The following SH3PXD2B variants were observed in gnomAD, a reference collection of about 807,000 sequenced individuals.
SH3PXD2B encodes the protein SH3 and PX domain-containing protein 2B.
Under a neutral mutation model 73.1 loss-of-function variants are expected in SH3PXD2B, and 37 were observed. The ratio of observed to expected loss-of-function variants is 0.51; its 90% CI spans 0.39 to 0.67. SH3PXD2B has a LOEUF of 0.67. SH3PXD2B is among the 30% of genes least tolerant of loss of function. The pLI is 0.00. For synonymous variants in SH3PXD2B, 457 were observed against 480.5 expected, an observed-to-expected ratio of 0.95 and a Z score of 0.64; for missense variants, 1,053 against 1,197.8, an observed-to-expected ratio of 0.88 and a Z score of 1.78.
intron 10 of SH3PXD2B, among the ~76,000 whole-genome samples, chr5:172,347,694 G>A (rs769420757): frequency 4.6e-5 from 7 of 152,112 alleles, no homozygotes; most frequent in Non-Finnish European, 8.8e-5. Flanking sequence ...TTGGACAGAT[G>A]ATTGGATTCT....
At chr5:172,436,352 C>G (rs1159546538) in intron 1 of SH3PXD2B, among the ~76,000 whole-genome samples, 1 of 152,222 alleles carries the variant, frequency 6.6e-6, no homozygotes, top group African/African-American at 2.4e-5. Context: ...AACCCAGCAG[C>G]CTGCAGCCAA....
Position 172,382,115 on chromosome 5 carries a change from GC to G in SH3PXD2B, c.321del (p.Gln107HisfsTer23). 1.2e-6 allele frequency: 2 copies of G among 1,607,784 alleles called. No individual in the cohort carries two copies. The highest frequency in any genetic ancestry group is 1.7e-6 in the Non-Finnish European group (2 of 1,177,400). On this transcript the variant is annotated frameshift_variant, in exon 5 of 13. Coordinates refer to ENST00000311601, the MANE Select transcript of SH3PXD2B (RefSeq NM_001017995.3). LOFTEE classifies it high-confidence loss of function. The stretch of plus-strand genomic sequence containing the variant: ...TCACACTGAGAGATGTAGGGGGGCA[GC>G]TGGATGAGGGCCTGGAGAAGAGAGA... ...PIDEYCKALIQLPPYISQCDE... is the reference protein window; with the variant it reads ...PIDEYCKALIXLPPYISQCDE...
At chr5:172,442,998 C>A (rs1052041503) in intron 1 of SH3PXD2B, among the ~76,000 whole-genome samples, 2 of 152,118 alleles carry the variant, frequency 1.3e-5, no homozygotes, top group African/African-American at 4.8e-5. Flanking sequence ...CTGAGGAAAC[C>A]CACGGACCCC....
intron 4 of SH3PXD2B, 119 bp from the exon 5 acceptor site, chr5:172,382,246 G>A (rs1757965698): frequency 1.3e-6 from 1 of 792,564 alleles, no homozygotes; most frequent in Non-Finnish European, 2.0e-6. Context: ...AACCTGGGAG[G>A]CGGAGGTTGC....
chr5:172,346,052 A>G, intron 12 of SH3PXD2B, 84 bp downstream of exon 12: 1 of 1,591,762 alleles, frequency 6.3e-7, no homozygotes, highest in Non-Finnish European at 8.6e-7. Flanking sequence ...CACCCAGTGA[A>G]GTAGGAGGTG....
chr5:172,350,719 A>G, intron 9 of SH3PXD2B, 130 bp from the exon 10 acceptor site: 1 of 844,998 alleles, frequency 1.2e-6, no homozygotes, highest in East Asian at 2.6e-5. Flanking sequence ...CCAGGGCAAG[A>G]GGTTGGCACA....
Position 172,338,427 on chromosome 5 carries a change from C to T in SH3PXD2B, c.2678G>A (p.Ser893Asn), listed in dbSNP as rs1756754755. ...SSGWWFCQVL[S>N]GAPSWEGWIP... ...CCACCCTTCCCAGGAAGGGGCTCCG[C>T]TCAGGACCTGGCAGAACCACCAGCC... The change falls in exon 13 of 13, where the codon AGC becomes AAC. Residue 893 changes from serine (S) to asparagine (N), a missense_variant. Ser to Asn is a conservative substitution (Grantham distance 46). Transcript: ENST00000311601. The surrounding 1 kb of genome is among the most constrained non-coding windows in gnomAD (Gnocchi z 5.1). 6.2e-7 allele frequency: 1 copy of T among 1,614,214 alleles called. No homozygotes were observed. Among genetic ancestry groups the T allele is most frequent in the Non-Finnish European group, 8.5e-7 (1 of 1,180,042 alleles).
rs752800892 is a variant in SH3PXD2B at position 172,382,145 on chromosome 5, A to C, written c.310-18T>G. On this transcript the variant is annotated intron_variant, in intron 4 of 12. Transcript: ENST00000311601. ...ATGAGGGCCTGGAGAAGAGAGACGC[A>C]GGTGAGTGCAAAGGAGGAGAGGGGG... is the stretch of plus-strand genomic sequence containing the variant. 6.3e-7 allele frequency: 1 copy of C among 1,589,400 alleles called. No homozygotes were observed. The highest frequency in any genetic ancestry group is 8.6e-7 in the Non-Finnish European group (1 of 1,166,990).
intron 7 of SH3PXD2B, among the ~76,000 whole-genome samples, chr5:172,361,632 G>A (rs1383164705): frequency 6.6e-6 from 1 of 152,192 alleles, no homozygotes; most frequent in Non-Finnish European, 1.5e-5. Flanking sequence ...CTCAGGAACT[G>A]GAAAGTCACA....
At chr5:172,396,198 C>CAAAA (rs571850981) in intron 3 of SH3PXD2B, among the ~76,000 whole-genome samples, 1 of 78,406 alleles carries the variant, frequency 1.3e-5, no homozygotes, top group Non-Finnish European at 2.3e-5. Context: ...ACTAAAAATA[C>CAAAA]AAAAAAAAAA....
intron 5 of SH3PXD2B, among the ~76,000 whole-genome samples, chr5:172,378,499 G>A (rs1289447437): frequency 3.3e-5 from 5 of 152,188 alleles, no homozygotes; most frequent in African/African-American, 1.2e-4. Flanking sequence ...GGTCCAAGAT[G>A]CTCCCCAAAG....
Position 172,336,838 on chromosome 5 carries a change from C to T in SH3PXD2B, c.*1531G>A, listed in dbSNP as rs1471168917. 1 of 985,508 alleles carries T rather than the reference C, an allele frequency of 1.0e-6. No homozygotes were observed. The highest frequency in any genetic ancestry group is 1.7e-5 in the African/African-American group (1 of 57,350). The allele number at this position is 985,508 out of a possible 1,614,324, so 61.0% of individuals were successfully genotyped here. A position where few individuals can be genotyped will look rare whatever the true frequency, so the allele number is the denominator to read the frequency against. ...TCTGCAGTGATTTAGTCATGCCTCT[C>T]CAGACCTCAGTTTGACAGATGACCA... is the stretch of plus-strand genomic sequence containing the variant. On this transcript the variant is annotated 3_prime_UTR_variant, in exon 13 of 13. Coordinates refer to ENST00000311601, the MANE Select transcript of SH3PXD2B (RefSeq NM_001017995.3).
rs1235079445 is a variant in SH3PXD2B, at chr5:172,364,367, CA to C, written c.428-1499del. Among the ~76,000 whole-genome samples the C allele has an allele frequency of 7.2e-5, 11 of 151,988 alleles. No homozygotes were observed. The East Asian group carries it at 2.1e-3, about 29-fold the overall frequency. On this transcript the variant is annotated intron_variant, in intron 6 of 12. Coordinates refer to ENST00000311601, the MANE Select transcript of SH3PXD2B (RefSeq NM_001017995.3). ...TCCAGGAAACCCCACATTTTTGTGT[CA>C]AAATACACCCAATTGGCCAGGCGTG...
In SH3PXD2B at chr5:172,439,688, GCGCGCACACACA is replaced by G. The variant is rs1581341999; in HGVS notation, c.75+14578_75+14589del. 1.6e-4 allele frequency among the ~76,000 whole-genome samples: 17 copies of G among 104,238 alleles called. No homozygotes were observed. The Middle Eastern group carries it at 0.013, about 77-fold the overall frequency. The allele number at this position is 104,238 out of a possible 152,430, so 68.4% of individuals were successfully genotyped here. ...TGTGTGTGCGTGCGTGCGCGCACGCGCGCGCACACACACACACACACACACACACACACACAC... is the reference window on the plus strand; with the variant it reads ...TGTGTGTGCGTGCGTGCGCGCACGCGCACACACACACACACACACACACAC... On this transcript the variant is annotated intron_variant, in intron 1 of 12. Transcript: ENST00000311601.
intron 1 of SH3PXD2B, among the ~76,000 whole-genome samples, chr5:172,442,127 T>C (rs1759562938): frequency 6.6e-6 from 1 of 152,188 alleles, no homozygotes; most frequent in South Asian, 2.1e-4. Flanking sequence ...TTAGCAATCC[T>C]ATGAGGTCAC....
Position 172,335,560 on chromosome 5 carries a change from G to C in SH3PXD2B, c.*2809C>G. Reference sequence around the variant, plus strand: ...GTCCTATCCGCCTCACAGGCTTGCCGTAAGGATTAAAGGAGCGTGTGTGTT... The same window carrying C: ...GTCCTATCCGCCTCACAGGCTTGCCCTAAGGATTAAAGGAGCGTGTGTGTT... On this transcript the variant is annotated 3_prime_UTR_variant, in exon 13 of 13. Coordinates refer to ENST00000311601, the MANE Select transcript of SH3PXD2B (RefSeq NM_001017995.3). 8.1e-7 allele frequency: 1 copy of C among 1,231,732 alleles called. No individual in the cohort carries two copies. The highest frequency in any genetic ancestry group is 1.0e-6 in the Non-Finnish European group (1 of 987,950). 76.3% of individuals were successfully genotyped at this position (1,231,732 alleles called of 1,614,324 possible). A position where few individuals can be genotyped will look rare whatever the true frequency, so the allele number is the denominator to read the frequency against.
chr5:172,413,686 C>A (rs762899601), intron 2 of SH3PXD2B, among the ~76,000 whole-genome samples: 2 of 152,330 alleles, frequency 1.3e-5, no homozygotes, highest in African/African-American at 2.4e-5. Flanking sequence ...GATAATCATG[C>A]CTCTTTCTAT....
intron 2 of SH3PXD2B, among the ~76,000 whole-genome samples, chr5:172,412,762 C>G (rs1758730261): frequency 6.6e-6 from 1 of 152,238 alleles, no homozygotes; most frequent in African/African-American, 2.4e-5. Context: ...AGGCATGCTC[C>G]TCAAAGCCTA....
At chr5:172,331,223 A>G (rs1484224714), downstream of SH3PXD2B, among the ~76,000 whole-genome samples, 1 of 151,384 alleles carries the variant, frequency 6.6e-6, no homozygotes. Flanking sequence ...ATAAATGGTA[A>G]TAATAATAAT....
Sources: gnomAD v4.1 joint callset for allele counts (sites outside exome capture counted in the v4.1 genomes callset) on GRCh38, gnomAD v4.1.1 for gene constraint, Gnocchi (gnomAD v3.1) non-coding constraint, MANE v1.5 for transcripts, NCBI Gene and HGNC (gene_info 2026-07-23, HGNC 2026-07-21) for gene names.